Variants in TCERG1L observed in about 807,000 individuals in gnomAD.
TCERG1L encodes transcription elongation regulator 1-like protein.
Under a neutral mutation model 56.3 loss-of-function variants are expected in TCERG1L, and 37 were observed. That is an observed-to-expected ratio of 0.66 (90% confidence interval 0.51 to 0.87). The LOEUF (loss-of-function observed/expected upper bound fraction) is 0.87. Ranked by LOEUF, TCERG1L falls within the 40% of genes least tolerant of loss-of-function variation. The pLI is 0.00. For synonymous variants in TCERG1L, 324 were observed against 326.3 expected, an observed-to-expected ratio of 0.99 and a Z score of 0.08; for missense variants, 799 against 774.2, an observed-to-expected ratio of 1.03 and a Z score of -0.38.
chr10:131,247,673 T>A (rs1385881811), intron 4 of TCERG1L, among the ~76,000 whole-genome samples: 2 of 152,096 alleles, frequency 1.3e-5, no homozygotes, highest in African/African-American at 4.8e-5. Flanking sequence ...TTAGAGGAGA[T>A]GAACTTTCCC....
At chr10:131,172,613 C>T (rs2996080) in intron 4 of TCERG1L, among the ~76,000 whole-genome samples, 22,809 of 152,250 alleles carry the variant, frequency 0.15, 1,831 homozygotes, top group East Asian at 0.31. Flanking sequence ...TGGCTCCGCT[C>T]GCAGCTGGGA....
chr10:131,094,978 C>T (rs535884363), intron 11 of TCERG1L, among the ~76,000 whole-genome samples: 2 of 152,342 alleles, frequency 1.3e-5, no homozygotes, highest in African/African-American at 2.4e-5. Context: ...CTCCCGCTTC[C>T]GTGGCCCCTT....
intron 4 of TCERG1L, among the ~76,000 whole-genome samples, chr10:131,189,402 C>T (rs2397753): frequency 0.18 from 26,783 of 152,130 alleles, 2,534 homozygotes; most frequent in Middle Eastern, 0.23. Flanking sequence ...CATCATTTAG[C>T]TTCCACATTG....
intron 11 of TCERG1L, among the ~76,000 whole-genome samples, chr10:131,097,195 T>A (rs1245777348): frequency 9.3e-6 from 1 of 107,610 alleles, no homozygotes; most frequent in Non-Finnish European, 1.9e-5. Flanking sequence ...AGCGAGGGTC[T>A]GTCTCAAAAA....
intron 4 of TCERG1L, among the ~76,000 whole-genome samples, chr10:131,216,426 T>C (rs901796766): frequency 6.6e-6 from 1 of 152,158 alleles, no homozygotes; most frequent in Non-Finnish European, 1.5e-5. Context: ...TTGGACAATA[T>C]CTTGCTTCTT....
At chr10:131,288,469 C>T (rs1323919569) in intron 3 of TCERG1L, among the ~76,000 whole-genome samples, 2 of 152,110 alleles carry the variant, frequency 1.3e-5, no homozygotes, top group Non-Finnish European at 2.9e-5. Context: ...TCAGGACAGA[C>T]GCACTGTGGG....
intron 3 of TCERG1L, among the ~76,000 whole-genome samples, chr10:131,283,991 T>C (rs1041368710): frequency 2.6e-5 from 4 of 151,782 alleles, no homozygotes; most frequent in Admixed American, 2.0e-4. Context: ...GGCATTGCAG[T>C]GGGCACCTGT....
intron 4 of TCERG1L, among the ~76,000 whole-genome samples, chr10:131,168,204 T>C (rs2133437480): frequency 6.6e-6 from 1 of 152,308 alleles, no homozygotes; most frequent in African/African-American, 2.4e-5. Context: ...AGAAAGGATG[T>C]CCTCTGGCCC....
At chr10:131,224,221 C>A (rs1845766921) in intron 4 of TCERG1L, among the ~76,000 whole-genome samples, 1 of 152,114 alleles carries the variant, frequency 6.6e-6, no homozygotes, top group Non-Finnish European at 1.5e-5. Flanking sequence ...CCTCTCCAAG[C>A]CTCGGATGAT....
intron 4 of TCERG1L, among the ~76,000 whole-genome samples, chr10:131,258,673 T>C (rs1051077589): frequency 1.1e-4 from 16 of 152,214 alleles, no homozygotes. Flanking sequence ...CCTTTCATCT[T>C]CCTGTCAGGC....
chr10:131,268,582 G>C (rs950451145), intron 3 of TCERG1L, among the ~76,000 whole-genome samples: 3 of 152,168 alleles, frequency 2.0e-5, no homozygotes, highest in African/African-American at 4.8e-5. Context: ...TCTTCCAATA[G>C]ATGGCTGTTT....
chr10:131,299,490 T>C (rs1477437291), intron 3 of TCERG1L, among the ~76,000 whole-genome samples: 1 of 142,118 alleles, frequency 7.0e-6, no homozygotes, highest in Non-Finnish European at 1.6e-5. Flanking sequence ...TTTATATCTT[T>C]TGAAGATATA....
At chr10:131,203,977 A>C (rs2133478483) in intron 4 of TCERG1L, among the ~76,000 whole-genome samples, 1 of 152,334 alleles carries the variant, frequency 6.6e-6, no homozygotes, top group South Asian at 2.1e-4. Context: ...GCTAAGCCCC[A>C]ATAGGACGAT....
rs550584288 is a variant in TCERG1L at position 131,195,401 on chromosome 10, A to G, written c.857-28516T>C. Reference sequence around the variant, plus strand: ...GCTCGGGGCCCTGCAAAACCAGAACACGACTGTGGCACCAGACGGAAACCA... The same window carrying G: ...GCTCGGGGCCCTGCAAAACCAGAACGCGACTGTGGCACCAGACGGAAACCA... On this transcript the variant is annotated intron_variant, in intron 4 of 11. Transcript: ENST00000368642. Among the ~76,000 whole-genome samples, 4 of 152,260 alleles carry G rather than the reference A, an allele frequency of 2.6e-5. No homozygotes were observed. The East Asian group carries it at 7.7e-4, about 29-fold the overall frequency.
At chr10:131,110,781 C>G (rs1845404246) in intron 9 of TCERG1L, among the ~76,000 whole-genome samples, 1 of 152,142 alleles carries the variant, frequency 6.6e-6, no homozygotes, top group Non-Finnish European at 1.5e-5. Flanking sequence ...ACGCGTCAGC[C>G]CTGAGAAAAG....
chr10:131,190,223 G>A lies in TCERG1L; in HGVS notation c.857-23338C>T, dbSNP rs537548851. ...CATACAACCCTCTTAGAATAAATCA[G>A]GAGGAAATAGAAACGCTGAGCACAC... On this transcript the variant is annotated intron_variant, in intron 4 of 11. Coordinates refer to ENST00000368642, the MANE Select transcript of TCERG1L (RefSeq NM_174937.4). Among the ~76,000 whole-genome samples, 5 of 152,162 alleles carry A rather than the reference G, an allele frequency of 3.3e-5. No homozygotes were observed. The South Asian group carries it at 1.0e-3, about 32-fold the overall frequency.
At chr10:131,298,617 T>C (rs1264025652) in intron 3 of TCERG1L, among the ~76,000 whole-genome samples, 1 of 152,224 alleles carries the variant, frequency 6.6e-6, no homozygotes, top group Non-Finnish European at 1.5e-5. Flanking sequence ...TTTTGCCATG[T>C]TGGCCAGGCT....
chr10:131,238,257 A>T (rs980479264), intron 4 of TCERG1L, among the ~76,000 whole-genome samples: 2 of 152,048 alleles, frequency 1.3e-5, no homozygotes, highest in Non-Finnish European at 2.9e-5. Context: ...TAAGGAATCC[A>T]CACTGGAGTA....
intron 4 of TCERG1L, among the ~76,000 whole-genome samples, chr10:131,232,048 G>T (rs2133511099): frequency 6.6e-6 from 1 of 152,330 alleles, no homozygotes; most frequent in Admixed American, 6.5e-5. Context: ...TGCAGTGTCT[G>T]CCCGCCCCAG....
Sources: allele counts gnomAD v4.1 joint callset (sites outside exome capture counted in the v4.1 genomes callset), GRCh38; gene constraint gnomAD v4.1.1; transcripts MANE v1.5; gene names NCBI Gene and HGNC (gene_info 2026-07-23, HGNC 2026-07-21).